The following SH2B1 variants were observed in gnomAD, a reference collection of about 807,000 sequenced individuals.
The protein encoded by SH2B1 is SH2B adaptor protein 1.
Under a neutral mutation model 62.6 loss-of-function variants are expected in SH2B1, and 15 were observed. The ratio of observed to expected loss-of-function variants is 0.24; its 90% CI spans 0.16 to 0.37. The LOEUF (loss-of-function observed/expected upper bound fraction) is 0.37, where lower values mean the gene tolerates loss of function less well. SH2B1 is among the 10% of genes least tolerant of loss of function. SH2B1 has a pLI of 1.00. For synonymous variants in SH2B1, 443 were observed against 438.0 expected, an observed-to-expected ratio of 1.01 and a Z score of -0.14; for missense variants, 925 against 1,015.6, an observed-to-expected ratio of 0.91 and a Z score of 1.21.
chr16:28,872,959 T>C lies in SH2B1; in HGVS notation c.1897+254T>C. The C allele has an allele frequency of 1.6e-6, 1 of 638,668 alleles. No individual in the cohort carries two copies. The highest frequency in any genetic ancestry group is 2.8e-5 in the Admixed American group (1 of 36,222). 39.6% of individuals were successfully genotyped at this position (638,668 alleles called of 1,614,324 possible). A position where few individuals can be genotyped will look rare whatever the true frequency, so the allele number is the denominator to read the frequency against. On this transcript the variant is annotated intron_variant, in intron 7 of 7. Coordinates refer to ENST00000684370, the MANE Select transcript of SH2B1 (RefSeq NM_001387430.1). This position sits in a 1 kb window ranked among gnomAD's most constrained non-coding sequence, Gnocchi z 5.3. Reference sequence around the variant, plus strand: ...GGTGGGCGGGCGCATCCCCATTCCATCGGATCCTCTGTTCCATTGTCTGTC... The same window carrying C: ...GGTGGGCGGGCGCATCCCCATTCCACCGGATCCTCTGTTCCATTGTCTGTC...
rs1359028592 is a variant in SH2B1 at position 28,873,097 on chromosome 16, C to T, written c.1898-350C>T. 1.1e-5 allele frequency: 11 copies of T among 989,618 alleles called. No individual in the cohort carries two copies. The highest frequency in any genetic ancestry group is 1.6e-5 in the African/African-American group (1 of 61,216). 61.3% of individuals were successfully genotyped at this position (989,618 alleles called of 1,614,324 possible). A position where few individuals can be genotyped will look rare whatever the true frequency, so the allele number is the denominator to read the frequency against. The stretch of plus-strand genomic sequence containing the variant: ...CCCCTTCCCTCCTCCCTCAATGTCT[C>T]ATGTCCCTGTCTGATCTCTCCCTTT... On this transcript the variant is annotated intron_variant, in intron 7 of 7. Transcript: ENST00000684370. This position sits in a 1 kb window ranked among gnomAD's most constrained non-coding sequence, Gnocchi z 4.2.
Position 28,852,695 on chromosome 16 carries a change from TATATATAC to T in SH2B1, c.-301+5876_-301+5883del, listed in dbSNP as rs1231236788. 4.6e-4 allele frequency among the ~76,000 whole-genome samples: 31 copies of T among 67,836 alleles called. 6 individuals are homozygous for T. The highest frequency in any genetic ancestry group is 1.7e-3 in the East Asian group (5 of 2,858). The allele number at this position is 67,836 out of a possible 152,430, so 44.5% of individuals were successfully genotyped here. ...ATATATATATTTACATATATATTTATATATATACATATATATTTACATATATATTTATA... is the reference window on the plus strand; with the variant it reads ...ATATATATATTTACATATATATTTATATATATATTTACATATATATTTATA... On this transcript the variant is annotated intron_variant, in intron 1 of 10. Transcript: ENST00000322610.
rs764055155 is a variant in SH2B1, at chr16:28,866,485, G to A, written c.391G>A (p.Gly131Ser). Residue 131 changes from glycine to serine, a missense_variant, in exon 1 of 8, where the codon GGC becomes AGC. Gly to Ser is a moderately conservative substitution (Grantham distance 56, BLOSUM62 0). Transcript: ENST00000684370. The surrounding 1 kb of genome is among the most constrained non-coding windows in gnomAD (Gnocchi z 6.3). ...TTCTCGATCATCTGAGGACCTGGCC[G>A]GCCCCCTCCCTTCCTCAGTCTCTTC... ...GPSRSSEDLA[G>S]PLPSSVSSSS... 5.6e-6 allele frequency: 9 copies of A among 1,613,906 alleles called. No homozygotes were observed. Among genetic ancestry groups the A allele is most frequent in the South Asian group, 2.2e-5 (2 of 91,072 alleles).
At chr16:28,859,871 C>T (rs763179602), upstream of SH2B1, among the ~76,000 whole-genome samples, 1 of 103,042 alleles carries the variant, frequency 9.7e-6, no homozygotes. Flanking sequence ...CCAATAGACC[C>T]CCCCCCCCCG....
rs376641424 is a variant in SH2B1, at chr16:28,852,783, TAC to T, written c.-301+5958_-301+5959del. Among the ~76,000 whole-genome samples the T allele has an allele frequency of 8.8e-3, 386 of 43,794 alleles. 96 individuals are homozygous for T. Among genetic ancestry groups the T allele is most frequent in the African/African-American group, 0.017 (233 of 13,728 alleles). 28.7% of individuals were successfully genotyped at this position (43,794 alleles called of 152,430 possible). A position where few individuals can be genotyped will look rare whatever the true frequency, so the allele number is the denominator to read the frequency against. On this transcript the variant is annotated intron_variant, in intron 1 of 10. Coordinates refer to the SH2B1 transcript ENST00000322610. Reference sequence around the variant, plus strand: ...GTATATATATATTTATATATATATTTACATATATATTTACATATATATTTACA... The same window carrying T: ...GTATATATATATTTATATATATATTTATATATATTTACATATATATTTACA...
In SH2B1 at chr16:28,873,053, C is replaced by G. The variant is rs750062910; in HGVS notation, c.1897+348C>G. 14 of 758,118 alleles carry G rather than the reference C, an allele frequency of 1.8e-5. No individual in the cohort carries two copies. Among genetic ancestry groups the G allele is most frequent in the Non-Finnish European group, 2.7e-5 (13 of 476,908 alleles). The allele number at this position is 758,118 out of a possible 1,614,324, so 47.0% of individuals were successfully genotyped here. A position where few individuals can be genotyped will look rare whatever the true frequency, so the allele number is the denominator to read the frequency against. Reference sequence around the variant, plus strand: ...AGCCTGGCCTTGGGCCTGCCCTTCCCGGGGACACTCGGTCTGATCCCCTTC... The same window carrying G: ...AGCCTGGCCTTGGGCCTGCCCTTCCGGGGGACACTCGGTCTGATCCCCTTC... On this transcript the variant is annotated intron_variant, in intron 7 of 7. Coordinates refer to ENST00000684370, the MANE Select transcript of SH2B1 (RefSeq NM_001387430.1). The surrounding 1 kb of genome is among the most constrained non-coding windows in gnomAD (Gnocchi z 4.2).
Position 28,872,230 on chromosome 16 carries a change from G to A in SH2B1, c.1554G>A (p.Gly518=), listed in dbSNP as rs1963084891. The change falls in exon 6 of 8, where the codon GGG becomes GGA. Residue 518 remains glycine, a synonymous_variant. Transcript: ENST00000684370. This position sits in a 1 kb window ranked among gnomAD's most constrained non-coding sequence, Gnocchi z 5.3. The part of the protein sequence containing the change: ...LFQGEPEGGE[G]DQPLSGYPWF... ...AGGGGGAGCCAGAGGGCGGTGAGGG[G>A]GACCAGCCCCTCTCAGGGTATCCTT... is the stretch of plus-strand genomic sequence containing the variant. The A allele has an allele frequency of 1.2e-6, 2 of 1,613,878 alleles. No homozygotes were observed. The highest frequency in any genetic ancestry group is 1.7e-6 in the Non-Finnish European group (2 of 1,179,846).
rs1395467902 is a variant in SH2B1, at chr16:28,852,835, TATATAC to T, written c.-301+6014_-301+6019del. Among the ~76,000 whole-genome samples, 13 of 77,010 alleles carry T rather than the reference TATATAC, an allele frequency of 1.7e-4. 3 individuals carry two copies. The highest frequency in any genetic ancestry group is 0.029 in the Middle Eastern group (2 of 68). 50.5% of individuals were successfully genotyped at this position (77,010 alleles called of 152,430 possible). On this transcript the variant is annotated intron_variant, in intron 1 of 10. Coordinates refer to the SH2B1 transcript ENST00000322610. ...ATATATTTACATATATATTTATATA[TATATAC>T]ATATATATATTTTTATATATATTTA... is the stretch of plus-strand genomic sequence containing the variant.
chr16:28,860,702 ATTTGTG>A (rs1184605166), upstream of SH2B1, among the ~76,000 whole-genome samples: 1 of 151,802 alleles, frequency 6.6e-6, no homozygotes, highest in Admixed American at 6.6e-5. Context: ...CCTTTATATC[ATTTGTG>A]TTTGTGTTTG....
chr16:28,866,340 G>A lies in SH2B1; in HGVS notation c.246G>A (p.Arg82=). 6.2e-7 allele frequency: 1 copy of A among 1,612,590 alleles called. No individual in the cohort carries two copies. The highest frequency in any genetic ancestry group is 8.5e-7 in the Non-Finnish European group (1 of 1,179,900). ...AGCACTTTGAAGCCGAGGTGGCCCG[G>A]GCCTCTGGCTCCCTGTCGCCACCCA... ...FLQHFEAEVA[R]ASGSLSPPIL... is the part of the protein sequence containing the mutation. Residue 82 remains arginine (R), a synonymous_variant, in exon 1 of 8, where the codon CGG becomes CGA. Coordinates refer to ENST00000684370, the MANE Select transcript of SH2B1 (RefSeq NM_001387430.1). The surrounding 1 kb of genome is among the most constrained non-coding windows in gnomAD (Gnocchi z 6.3).
Position 28,866,892 on chromosome 16 carries a change from C to T in SH2B1, c.798C>T (p.Ala266=), listed in dbSNP as rs1352626204. 42 of 1,611,466 alleles carry T rather than the reference C, an allele frequency of 2.6e-5. No individual in the cohort carries two copies. The highest frequency in any genetic ancestry group is 3.0e-5 in the Non-Finnish European group (35 of 1,179,264). ...CTGAGGAGGCAGCCCCTGACCCAGC[C>T]GGAGTGGGCCGGGGAGGAGGGGTGG... The part of the protein sequence containing the change: ...MGAEEAAPDP[A]GVGRGGGVAG... The change falls in exon 1 of 8, where the codon GCC becomes GCT. Residue 266 remains alanine (A), a synonymous_variant. Coordinates refer to ENST00000684370, the MANE Select transcript of SH2B1 (RefSeq NM_001387430.1). The surrounding 1 kb of genome is among the most constrained non-coding windows in gnomAD (Gnocchi z 6.3).
intron 4 of SH2B1, among the ~76,000 whole-genome samples, chr16:28,871,067 C>T (rs565057987): frequency 2.6e-5 from 4 of 151,524 alleles, no homozygotes; most frequent in African/African-American, 9.7e-5. Flanking sequence ...GCCCAGGCTG[C>T]AGTGCAGTGA....
Position 28,872,392 on chromosome 16 carries a change from C to T in SH2B1, c.1716C>T (p.Gly572=). ...ACGTCCTCACCTTCAACTTCCAGGG[C>T]AAGGCCAAGGTGAGCCACCCTGTGG... ...GEYVLTFNFQ[G]KAKHLRLSLN... is the part of the protein sequence containing the mutation. The change falls in exon 6 of 8, where the codon GGC becomes GGT. Residue 572 remains glycine, a synonymous_variant. Transcript: ENST00000684370. This position sits in a 1 kb window ranked among gnomAD's most constrained non-coding sequence, Gnocchi z 5.3. 1 of 1,602,512 alleles carries T rather than the reference C, an allele frequency of 6.2e-7. No individual in the cohort carries two copies. Among genetic ancestry groups the T allele is most frequent in the Non-Finnish European group, 8.5e-7 (1 of 1,173,130 alleles).
chr16:28,859,192 C>T (rs1962384441), upstream of SH2B1, among the ~76,000 whole-genome samples: 2 of 152,058 alleles, frequency 1.3e-5, no homozygotes, highest in South Asian at 2.1e-4. Flanking sequence ...GATTCGCCTG[C>T]CTCAGCCTCC....
intron 1 of SH2B1, 37 bp from the exon 2 acceptor site, chr16:28,867,294 A>G: frequency 6.6e-7 from 1 of 1,520,828 alleles, no homozygotes; most frequent in Non-Finnish European, 9.1e-7. Context: ...GTCTTTGGAA[A>G]CCAAACACCC....
In SH2B1 at chr16:28,871,920, A is replaced by G. The variant is rs7498665; in HGVS notation, c.1450A>G (p.Thr484Ala). Residue 484 changes from threonine (T) to alanine (A), a missense_variant, in exon 5 of 8, where the codon ACA becomes GCA. Thr to Ala is a moderately conservative substitution (Grantham distance 58). This residue lies in a region of SH2B1 where 683 missense variants were observed against 704.0 expected (regional missense o/e 0.97). Coordinates refer to ENST00000684370, the MANE Select transcript of SH2B1 (RefSeq NM_001387430.1). ...CATCCCCATTGAAGAGGGACCCCCAACAGGGACAGTTCATCCCCTCTCAGC... is the reference window on the plus strand; with the variant it reads ...CATCCCCATTGAAGAGGGACCCCCAGCAGGGACAGTTCATCCCCTCTCAGC... Reference protein sequence around the residue: ...PRIPIEEGPPTGTVHPLSAPY... With the variant: ...PRIPIEEGPPAGTVHPLSAPY... 0.38 allele frequency: 589,117 copies of G among 1,565,774 alleles called. 114,338 individuals carry two copies. The highest frequency in any genetic ancestry group is 0.47 in the Admixed American group (27,880 of 59,104).
Position 28,865,811 on chromosome 16 carries a change from G to A in SH2B1, c.-284G>A. The A allele has an allele frequency of 8.1e-7, 1 of 1,234,424 alleles. No individual in the cohort carries two copies. The allele number at this position is 1,234,424 out of a possible 1,614,324, so 76.5% of individuals were successfully genotyped here. Reference sequence around the variant, plus strand: ...GGGCAAATGTGGCAGGCTCGGGGCAGGTTAGACGCTGGGGAGCCAGTTGGC... The same window carrying A: ...GGGCAAATGTGGCAGGCTCGGGGCAAGTTAGACGCTGGGGAGCCAGTTGGC... On this transcript the variant is annotated 5_prime_UTR_variant, in exon 1 of 8. Coordinates refer to ENST00000684370, the MANE Select transcript of SH2B1 (RefSeq NM_001387430.1).
Position 28,872,299 on chromosome 16 carries a change from G to A in SH2B1, c.1623G>A (p.Val541=). The A allele has an allele frequency of 6.2e-7, 1 of 1,614,146 alleles. No homozygotes were observed. The highest frequency in any genetic ancestry group is 1.1e-5 in the South Asian group (1 of 91,090). Residue 541 remains valine (V), a synonymous_variant, in exon 6 of 8, where the codon GTG becomes GTA. Coordinates refer to ENST00000684370, the MANE Select transcript of SH2B1 (RefSeq NM_001387430.1). The surrounding 1 kb of genome is among the most constrained non-coding windows in gnomAD (Gnocchi z 5.3). Reference sequence around the variant, plus strand: ...CTCGGCTCAAGGCTGCACAGTTGGTGCTGACTGGCGGCACTGGCTCCCACG... The same window carrying A: ...CTCGGCTCAAGGCTGCACAGTTGGTACTGACTGGCGGCACTGGCTCCCACG... The part of the protein sequence containing the change: ...MLSRLKAAQL[V]LTGGTGSHGV...
intron 1 of SH2B1, among the ~76,000 whole-genome samples, chr16:28,848,606 G>A (rs915056894): frequency 5.3e-5 from 8 of 151,658 alleles, no homozygotes; most frequent in African/African-American, 1.5e-4. Flanking sequence ...GAAAACTGAC[G>A]GTCAGGGTGA....
Sources: gnomAD v4.1 joint callset for allele counts (sites outside exome capture counted in the v4.1 genomes callset) on GRCh38, gnomAD v4.1.1 for gene constraint, gnomAD v4.1.1 regional missense constraint, Gnocchi (gnomAD v3.1) non-coding constraint, MANE v1.5 for transcripts, NCBI Gene and HGNC (gene_info 2026-07-23, HGNC 2026-07-21) for gene names.